TSPAN9: variants seen among roughly 807,000 people sequenced by gnomAD.
The protein encoded by TSPAN9 is tetraspanin-9.
Under a neutral mutation model 31.0 loss-of-function variants are expected in TSPAN9, and 16 were observed. That is an observed-to-expected ratio of 0.52 (90% confidence interval 0.35 to 0.78). The LOEUF (loss-of-function observed/expected upper bound fraction) is 0.78, where lower values mean the gene tolerates loss of function less well. Ranked by LOEUF, TSPAN9 falls within the 30% of genes least tolerant of loss-of-function variation. TSPAN9 has a pLI of 0.01. For synonymous variants in TSPAN9, 145 were observed against 121.6 expected (o/e 1.19, Z -1.27); for missense variants, 272 against 312.5 (o/e 0.87, Z 0.98).
chr12:3,244,026 C>T (rs1228641713), intron 3 of TSPAN9, among the ~76,000 whole-genome samples: 1 of 152,232 alleles, frequency 6.6e-6, no homozygotes, highest in Non-Finnish European at 1.5e-5. Flanking sequence ...CAAGGCTGCC[C>T]TTTCAGCTTG....
chr12:3,241,792 C>G (rs1013642892), intron 3 of TSPAN9, among the ~76,000 whole-genome samples: 1 of 152,116 alleles, frequency 6.6e-6, no homozygotes, highest in Non-Finnish European at 1.5e-5. Flanking sequence ...GCCTGGGCTC[C>G]GGTGTGTGTC....
At chr12:3,212,951 G>A (rs2098379513) in intron 3 of TSPAN9, among the ~76,000 whole-genome samples, 2 of 152,066 alleles carry the variant, frequency 1.3e-5, no homozygotes, top group Non-Finnish European at 2.9e-5. Context: ...TGAAGGGATT[G>A]TGGACAAGCA....
At position 3,107,027 on chromosome 12, in the gene TSPAN9, G is replaced by A. The variant is rs887571549; in HGVS notation, c.-18+23308G>A. Among the ~76,000 whole-genome samples the A allele has an allele frequency of 3.9e-5, 6 of 152,130 alleles. No individual in the cohort carries two copies. The highest frequency in any genetic ancestry group is 5.9e-5 in the Non-Finnish European group (4 of 68,036). On this transcript the variant is annotated intron_variant, in intron 2 of 8. Transcript: ENST00000011898. The surrounding 1 kb of genome is among the most constrained non-coding windows in gnomAD (Gnocchi z 4.1). ...CCCTCCTGGCTGCTCAGATCCCAGCGGGTTTCCAGCCACAGAAGCAAAGCA... is the reference window on the plus strand; with the variant it reads ...CCCTCCTGGCTGCTCAGATCCCAGCAGGTTTCCAGCCACAGAAGCAAAGCA...
At chr12:3,156,768 A>C (rs980432143) in intron 2 of TSPAN9, among the ~76,000 whole-genome samples, 10 of 152,210 alleles carry the variant, frequency 6.6e-5, no homozygotes, top group Admixed American at 6.5e-4. Context: ...TCAGCCTCCC[A>C]AAGTGCTGGG....
chr12:3,079,041 A>G (rs1435180379), intron 1 of TSPAN9, among the ~76,000 whole-genome samples: 1 of 150,020 alleles, frequency 6.7e-6, no homozygotes, highest in Non-Finnish European at 1.5e-5. Context: ...GTGCAGTGGC[A>G]GGATCTCAGC....
intron 2 of TSPAN9, chr12:3,173,362 A>G (rs1435302949): frequency 6.6e-6 from 1 of 152,364 alleles, no homozygotes; most frequent in East Asian, 1.9e-4. Context: ...TCTCCCTGCA[A>G]TGCCCTTTCT....
chr12:3,100,536 G>T (rs2098311415), intron 2 of TSPAN9, among the ~76,000 whole-genome samples: 1 of 152,188 alleles, frequency 6.6e-6, no homozygotes, highest in Non-Finnish European at 1.5e-5. Flanking sequence ...GTCCTGTGTT[G>T]CCTGTTGCCC....
At chr12:3,146,358 T>C (rs1179315286) in intron 2 of TSPAN9, among the ~76,000 whole-genome samples, 2 of 152,100 alleles carry the variant, frequency 1.3e-5, no homozygotes, top group African/African-American at 4.8e-5. Context: ...TGGTGGTCTC[T>C]GAAAAGAGGG....
intron 3 of TSPAN9, among the ~76,000 whole-genome samples, chr12:3,232,429 A>C (rs1433299731): frequency 6.6e-6 from 1 of 152,182 alleles, no homozygotes; most frequent in Non-Finnish European, 1.5e-5. Context: ...TGGGATCATC[A>C]GGGTAACTGA....
intron 3 of TSPAN9, among the ~76,000 whole-genome samples, chr12:3,235,448 C>T (rs953850562): frequency 6.6e-6 from 1 of 151,174 alleles, no homozygotes; most frequent in Non-Finnish European, 1.5e-5. Flanking sequence ...GTCTTCTCAG[C>T]TTCCTTATCT....
chr12:3,283,211 C>G lies in TSPAN9; in HGVS notation c.*95C>G, dbSNP rs962865504. On this transcript the variant is annotated 3_prime_UTR_variant, in exon 9 of 9. Coordinates refer to ENST00000011898, the MANE Select transcript of TSPAN9 (RefSeq NM_006675.5). ...CCTGCCTGCGCTCTCCAGATATGAC[C>G]CCTGCACCCACCCCCCACAGCCTGC... 24 of 1,328,076 alleles carry G rather than the reference C, an allele frequency of 1.8e-5. No individual in the cohort carries two copies. The highest frequency in any genetic ancestry group is 1.8e-5 in the Non-Finnish European group (17 of 955,174). 82.3% of individuals were successfully genotyped at this position (1,328,076 alleles called of 1,614,324 possible).
intron 3 of TSPAN9, among the ~76,000 whole-genome samples, chr12:3,202,906 A>C (rs1371626967): frequency 6.6e-6 from 1 of 152,214 alleles, no homozygotes; most frequent in Non-Finnish European, 1.5e-5. Flanking sequence ...CTTGTGGGCC[A>C]GTGCCTCCTG....
rs778542690 is a variant in TSPAN9, at chr12:3,170,936, G to A, written c.-17-30241G>A. On this transcript the variant is annotated intron_variant, in intron 2 of 8. Transcript: ENST00000011898. This position sits in a 1 kb window ranked among gnomAD's most constrained non-coding sequence, Gnocchi z 4.4. ...GTCTCCACTTGGATGACTAATAGAC[G>A]TCCTAATGTACTGAAAAGCACACTC... 4.6e-5 allele frequency among the ~76,000 whole-genome samples: 7 copies of A among 152,162 alleles called. No individual in the cohort carries two copies. Among genetic ancestry groups the A allele is most frequent in the East Asian group, 1.9e-4 (1 of 5,174 alleles).
At chr12:3,224,699 C>T (rs1476040883) in intron 3 of TSPAN9, among the ~76,000 whole-genome samples, 5 of 152,352 alleles carry the variant, frequency 3.3e-5, no homozygotes, top group African/African-American at 9.6e-5. Flanking sequence ...CCCAGATGCA[C>T]GTACTGCGCC....
intron 8 of TSPAN9, chr12:3,282,247 G>A (rs1046450750): frequency 2.2e-5 from 12 of 548,324 alleles, no homozygotes; most frequent in African/African-American, 7.5e-5. Context: ...CTGGGTCCCC[G>A]GCTCCTTTGA....
chr12:3,090,902 A>C lies in TSPAN9; in HGVS notation c.-18+7183A>C, dbSNP rs116910672. ...AGATGGGTCATCCAGGGAAACTGGC[A>C]AACACTCGATCTTCATGTTGGGTGT... On this transcript the variant is annotated intron_variant, in intron 2 of 8. Transcript: ENST00000011898. Among the ~76,000 whole-genome samples, 189 of 152,370 alleles carry C rather than the reference A, an allele frequency of 1.2e-3. 1 individual carries two copies. The East Asian group carries it at 0.033, about 26-fold the overall frequency.
At chr12:3,230,945 G>T (rs2098390417) in intron 3 of TSPAN9, among the ~76,000 whole-genome samples, 1 of 152,260 alleles carries the variant, frequency 6.6e-6, no homozygotes, top group Non-Finnish European at 1.5e-5. Flanking sequence ...CTGCCTGGAG[G>T]TGCGGAGATA....
intron 2 of TSPAN9, among the ~76,000 whole-genome samples, chr12:3,105,273 A>G (rs748751242): frequency 8.5e-5 from 13 of 152,076 alleles, no homozygotes; most frequent in Non-Finnish European, 1.5e-4. Flanking sequence ...CAGGGGAGGG[A>G]AGCTCCTTCT....
In TSPAN9 at chr12:3,269,138, G is replaced by A. The variant is rs564915946; in HGVS notation, c.64-9283G>A. Among the ~76,000 whole-genome samples, 10 of 94,308 alleles carry A rather than the reference G, an allele frequency of 1.1e-4. 1 individual carries two copies. Among genetic ancestry groups the A allele is most frequent in the East Asian group, 7.5e-4 (2 of 2,662 alleles). The allele number at this position is 94,308 out of a possible 152,430, so 61.9% of individuals were successfully genotyped here. A position where few individuals can be genotyped will look rare whatever the true frequency, so the allele number is the denominator to read the frequency against. Reference sequence around the variant, plus strand: ...TGTTCCTGCAGCCTGCCCTCTGTGCGTTCCTGCAGCTTGCCCTCTGTGCGT... The same window carrying A: ...TGTTCCTGCAGCCTGCCCTCTGTGCATTCCTGCAGCTTGCCCTCTGTGCGT... On this transcript the variant is annotated intron_variant, in intron 3 of 8. Coordinates refer to ENST00000011898, the MANE Select transcript of TSPAN9 (RefSeq NM_006675.5).
Sources: gnomAD v4.1 joint callset for allele counts (sites outside exome capture counted in the v4.1 genomes callset) on GRCh38, gnomAD v4.1.1 for gene constraint, Gnocchi (gnomAD v3.1) non-coding constraint, MANE v1.5 for transcripts, NCBI Gene and HGNC (gene_info 2026-07-23, HGNC 2026-07-21) for gene names.